The following MAP3K5 variants were observed in gnomAD, a reference collection of about 807,000 sequenced individuals.
MAP3K5 encodes mitogen-activated protein kinase kinase kinase 5.
MAP3K5 carries 56 observed loss-of-function variants against 158.7 expected under a neutral mutation model. That is an observed-to-expected ratio of 0.35 (90% confidence interval 0.28 to 0.44). MAP3K5 has a LOEUF of 0.44. Among genes scored for constraint, MAP3K5 ranks in the 20% least tolerant of loss-of-function variants. The pLI is 1.00. For missense variants in MAP3K5, 1,294 were observed against 1,674.8 expected, an observed-to-expected ratio of 0.77 and a Z score of 3.97; for synonymous variants, 579 against 601.7, an observed-to-expected ratio of 0.96 and a Z score of 0.55.
At chr6:136,601,671 A>G (rs1583252869) in intron 20 of MAP3K5, 131 bp downstream of exon 20, 3 of 779,028 alleles carry the variant, frequency 3.9e-6, no homozygotes. Context: ...GCCTGAGAAC[A>G]CTGTGCTAAT....
At chr6:136,659,194 TC>T (rs755183272) in intron 9 of MAP3K5, 24 bp downstream of exon 9, 1 of 1,582,744 alleles carries the variant, frequency 6.3e-7, no homozygotes, top group South Asian at 1.1e-5. Flanking sequence ...ATTAATTGTA[TC>T]AACATATAAT....
At chr6:136,712,643 A>G (rs1437057523) in intron 2 of MAP3K5, among the ~76,000 whole-genome samples, 1 of 152,232 alleles carries the variant, frequency 6.6e-6, no homozygotes, top group Non-Finnish European at 1.5e-5. Context: ...ATTTTTCTAC[A>G]GTAAATCATA....
At chr6:136,601,693 T>C (rs1775882495) in intron 20 of MAP3K5, 109 bp downstream of exon 20, 2 of 945,178 alleles carry the variant, frequency 2.1e-6, no homozygotes, top group South Asian at 1.7e-5. Context: ...TTTATACCAA[T>C]TTCCAGTGAT....
At chr6:136,675,221 T>C (rs1779655265) in intron 7 of MAP3K5, among the ~76,000 whole-genome samples, 1 of 151,950 alleles carries the variant, frequency 6.6e-6, no homozygotes, top group East Asian at 1.9e-4. Context: ...AAAAAGCAGA[T>C]ATAGAAATCT....
At chr6:136,700,863 G>A (rs539228661) in intron 3 of MAP3K5, among the ~76,000 whole-genome samples, 2 of 152,156 alleles carry the variant, frequency 1.3e-5, no homozygotes, top group South Asian at 2.1e-4. Context: ...TGGGACACCC[G>A]ACTACTGCCG....
chr6:136,637,194 G>A, intron 14 of MAP3K5, 131 bp downstream of exon 14: 1 of 1,252,088 alleles, frequency 8.0e-7, no homozygotes, highest in Non-Finnish European at 1.1e-6. Flanking sequence ...TCTGGAAGTT[G>A]CTTTTAACAC....
chr6:136,681,887 C>G (rs991923318), intron 7 of MAP3K5, among the ~76,000 whole-genome samples: 1 of 152,058 alleles, frequency 6.6e-6, no homozygotes, highest in East Asian at 1.9e-4. Flanking sequence ...CCATTGCACT[C>G]CAGCCTGGGC....
chr6:136,737,057 AAAC>A (rs1782507197), intron 1 of MAP3K5, among the ~76,000 whole-genome samples: 1 of 147,614 alleles, frequency 6.8e-6, no homozygotes, highest in African/African-American at 2.5e-5. Context: ...ATATATATAT[AAAC>A]TTAGATGTGA....
intron 10 of MAP3K5, among the ~76,000 whole-genome samples, chr6:136,654,726 A>C (rs1011829207): frequency 6.7e-6 from 1 of 150,248 alleles, no homozygotes; most frequent in Non-Finnish European, 1.5e-5. Flanking sequence ...GATTACAAGT[A>C]TAAGTCCTCA....
chr6:136,623,068 C>G, intron 14 of MAP3K5, 87 bp from the exon 15 acceptor site: 2 of 1,291,874 alleles, frequency 1.5e-6, no homozygotes, highest in South Asian at 2.5e-5. Flanking sequence ...GAGCATTATT[C>G]CTTATCTTAT....
At chr6:136,782,086 G>A (rs1359941563) in intron 1 of MAP3K5, among the ~76,000 whole-genome samples, 1 of 150,818 alleles carries the variant, frequency 6.6e-6, no homozygotes, top group Non-Finnish European at 1.5e-5. Flanking sequence ...TATTTGACAT[G>A]TAATAGCTTT....
At chr6:136,715,631 T>C (rs943380807) in intron 2 of MAP3K5, among the ~76,000 whole-genome samples, 1 of 152,234 alleles carries the variant, frequency 6.6e-6, no homozygotes, top group Non-Finnish European at 1.5e-5. Flanking sequence ...TATGATACTG[T>C]ACACAAGTAA....
At chr6:136,633,406 T>A (rs955629917) in intron 14 of MAP3K5, among the ~76,000 whole-genome samples, 30 of 148,718 alleles carry the variant, frequency 2.0e-4, no homozygotes, top group South Asian at 4.2e-4. Flanking sequence ...TGAAAAAAAA[T>A]AAAATAAAAT....
chr6:136,742,567 G>GA (rs1782757989), intron 1 of MAP3K5, among the ~76,000 whole-genome samples: 1 of 151,872 alleles, frequency 6.6e-6, no homozygotes, highest in Non-Finnish European at 1.5e-5. Flanking sequence ...TAACATAGAA[G>GA]AAAATCTAAA....
chr6:136,717,587 T>G (rs567785333), intron 2 of MAP3K5, among the ~76,000 whole-genome samples: 1 of 152,364 alleles, frequency 6.6e-6, no homozygotes, highest in Admixed American at 6.5e-5. Context: ...AATCCTTACA[T>G]GATATATTAT....
At position 136,609,022 on chromosome 6, in the gene MAP3K5, G is replaced by C. The variant is rs1428447216; in HGVS notation, c.2521+2260C>G. On this transcript the variant is annotated intron_variant, in intron 18 of 29. Transcript: ENST00000359015. The surrounding 1 kb of genome is among the most constrained non-coding windows in gnomAD (Gnocchi z 4.4). The stretch of plus-strand genomic sequence containing the variant: ...TGTTAGTGACACACGTCACTCTTAC[G>C]TGACACCAGTGGAAGAGGTCCAAGA... Among the ~76,000 whole-genome samples the C allele has an allele frequency of 6.6e-6, 1 of 152,218 alleles. No homozygotes were observed. Among genetic ancestry groups the C allele is most frequent in the Non-Finnish European group, 1.5e-5 (1 of 68,036 alleles).
chr6:136,759,278 A>G (rs1454631610), intron 1 of MAP3K5, among the ~76,000 whole-genome samples: 3 of 151,920 alleles, frequency 2.0e-5, no homozygotes, highest in African/African-American at 7.3e-5. Context: ...GCCTGAACAT[A>G]GGCTGAACAA....
chr6:136,720,655 G>C, intron 1 of MAP3K5, 66 bp from the exon 2 acceptor site: 2 of 1,251,292 alleles, frequency 1.6e-6, no homozygotes, highest in Non-Finnish European at 2.2e-6. Flanking sequence ...GCACATTTTG[G>C]TTTGAATTAT....
chr6:136,791,667 C>A, intron 1 of MAP3K5, 43 bp downstream of exon 1: 1 of 1,599,106 alleles, frequency 6.3e-7, no homozygotes, highest in Non-Finnish European at 8.6e-7. Context: ...AGATTAAACG[C>A]GGGTCCCGAC....
Sources: gnomAD v4.1 joint callset for allele counts (sites outside exome capture counted in the v4.1 genomes callset) on GRCh38, gnomAD v4.1.1 for gene constraint, Gnocchi (gnomAD v3.1) non-coding constraint, MANE v1.5 for transcripts, NCBI Gene and HGNC (gene_info 2026-07-23, HGNC 2026-07-21) for gene names.